The following COL24A1 variants were observed in gnomAD, a reference collection of about 807,000 sequenced individuals.
COL24A1 encodes collagen alpha-1(XXIV) chain.
COL24A1 carries 224 observed loss-of-function variants against 253.9 expected under a neutral mutation model. The ratio of observed to expected loss-of-function variants is 0.88; its 90% CI spans 0.79 to 0.99. The LOEUF is 0.99. Among genes scored for constraint, COL24A1 ranks in the 50% least tolerant of loss-of-function variants. The probability of loss-of-function intolerance (pLI) is 0.00; values close to 1 mark genes in which losing one functional copy is unlikely to be tolerated. For missense variants in COL24A1, 2,131 were observed against 2,068.5 expected (o/e 1.03, Z -0.59); for synonymous variants, 685 against 673.7 (o/e 1.02, Z -0.26).
rs555944946 is a variant in COL24A1, at chr1:85,817,855, T to G, written c.3843+179A>C. On this transcript the variant is annotated intron_variant, in intron 46 of 59. Coordinates refer to ENST00000370571, the MANE Select transcript of COL24A1 (RefSeq NM_152890.7). ...GGGACTTATATTTAAACAGCAAGTT[T>G]GGTTTTGAGTTAATGGTCATATTTT... Among the ~76,000 whole-genome samples the G allele has an allele frequency of 2.6e-5, 4 of 152,302 alleles. No individual in the cohort carries two copies. The South Asian group carries it at 8.3e-4, about 32-fold the overall frequency.
intron 24 of COL24A1, among the ~76,000 whole-genome samples, chr1:85,929,928 A>C (rs1346024172): frequency 1.2e-5 from 1 of 80,836 alleles, no homozygotes; most frequent in Non-Finnish European, 2.4e-5. Flanking sequence ...GGACGCATTC[A>C]AAGCAGTGTG....
intron 57 of COL24A1, among the ~76,000 whole-genome samples, chr1:85,739,340 T>A (rs112385580): frequency 6.6e-6 from 1 of 152,282 alleles, no homozygotes; most frequent in East Asian, 1.9e-4. Context: ...TATATTCTAT[T>A]TGGGTAGGGG....
At chr1:86,034,777 C>T (rs540618365) in intron 12 of COL24A1, among the ~76,000 whole-genome samples, 1 of 152,170 alleles carries the variant, frequency 6.6e-6, no homozygotes, top group South Asian at 2.1e-4. Context: ...TGTAAAATAA[C>T]TCAACGCTCA....
chr1:85,955,656 AG>A (rs767542414), intron 24 of COL24A1, among the ~76,000 whole-genome samples: 26 of 152,344 alleles, frequency 1.7e-4, no homozygotes, highest in Non-Finnish European at 2.6e-4. Context: ...CACACCCTGC[AG>A]GGGGGATAAG....
At chr1:86,114,308 A>C (rs1361945419) in intron 4 of COL24A1, among the ~76,000 whole-genome samples, 1 of 152,222 alleles carries the variant, frequency 6.6e-6, no homozygotes, top group Non-Finnish European at 1.5e-5. Flanking sequence ...AAAAGTAAAA[A>C]AGTAAACTGC....
At chr1:85,744,025 A>AT (rs1194004157) in intron 57 of COL24A1, among the ~76,000 whole-genome samples, 3 of 151,124 alleles carry the variant, frequency 2.0e-5, no homozygotes, top group Admixed American at 1.3e-4. Context: ...CAAATCATAC[A>AT]TTTTTTTTTC....
Position 86,126,232 on chromosome 1 carries a change from A to T in COL24A1, c.122-18T>A, listed in dbSNP as rs1648282839. 5 of 1,551,386 alleles carry T rather than the reference A, an allele frequency of 3.2e-6. No homozygotes were observed. Among genetic ancestry groups the T allele is most frequent in the Non-Finnish European group, 4.3e-6 (5 of 1,158,584 alleles). ...ATCTATGCCTGGAAATTTAAAAAAG[A>T]GAGAGAGAAAGAATCTTAATTTTAT... On this transcript the variant is annotated intron_variant, in intron 2 of 59. Transcript: ENST00000370571.
rs866560101 is a variant in COL24A1 at position 85,987,648 on chromosome 1, G to T, written c.2317C>A (p.Pro773Thr). The T allele has an allele frequency of 6.2e-7, 1 of 1,609,266 alleles. No individual in the cohort carries two copies. Among genetic ancestry groups the T allele is most frequent in the African/African-American group, 1.3e-5 (1 of 74,628 alleles). The change falls in exon 20 of 60, where the codon CCA becomes ACA. Residue 773 changes from proline to threonine, a missense_variant. Transcript: ENST00000370571. ...TGTCCAGGAATCCCAATATCTCCTG[G>T]AAAACCCTAGGGAATATAAAAATGT... ...PSGPPGPEGFPGDIGIPGQNG... is the reference protein window; with the variant it reads ...PSGPPGPEGFTGDIGIPGQNG...
intron 7 of COL24A1, among the ~76,000 whole-genome samples, chr1:86,079,299 A>G (rs1350245785): frequency 6.6e-6 from 1 of 152,196 alleles, no homozygotes; most frequent in Admixed American, 6.5e-5. Flanking sequence ...TACAAAAATC[A>G]ATTCAAAATA....
In COL24A1 at chr1:85,817,730, G is replaced by C. The variant is rs565432128; in HGVS notation, c.3843+304C>G. Reference sequence around the variant, plus strand: ...TCTGGCCTTTGTCACCATTCATTTTGTTACGATTCTAAGTTCTCTGTTTTT... The same window carrying C: ...TCTGGCCTTTGTCACCATTCATTTTCTTACGATTCTAAGTTCTCTGTTTTT... On this transcript the variant is annotated intron_variant, in intron 46 of 59. Transcript: ENST00000370571. Among the ~76,000 whole-genome samples the C allele has an allele frequency of 2.6e-5, 4 of 152,116 alleles. No individual in the cohort carries two copies. The South Asian group carries it at 6.2e-4, about 24-fold the overall frequency.
At chr1:85,795,199 G>A (rs1670680767) in intron 47 of COL24A1, among the ~76,000 whole-genome samples, 1 of 152,166 alleles carries the variant, frequency 6.6e-6, no homozygotes, top group Admixed American at 6.5e-5. Flanking sequence ...AATTGTTTTA[G>A]TGCAAGTCTG....
At chr1:86,087,503 C>T (rs1034535601) in intron 7 of COL24A1, among the ~76,000 whole-genome samples, 2 of 152,160 alleles carry the variant, frequency 1.3e-5, no homozygotes, top group Non-Finnish European at 2.9e-5. Flanking sequence ...CTCTTCTATA[C>T]AAAAACTACT....
At chr1:85,896,725 C>T (rs1008148625) in intron 28 of COL24A1, among the ~76,000 whole-genome samples, 4 of 152,152 alleles carry the variant, frequency 2.6e-5, no homozygotes, top group Non-Finnish European at 4.4e-5. Context: ...GTCTTGATCT[C>T]CTGACCTCGT....
chr1:85,946,659 G>A (rs896109093), intron 24 of COL24A1, among the ~76,000 whole-genome samples: 4 of 152,126 alleles, frequency 2.6e-5, no homozygotes, highest in Non-Finnish European at 5.9e-5. Flanking sequence ...CGGTTAAAAG[G>A]CATTTACCCT....
At chr1:85,920,096 T>C (rs1197721791) in intron 24 of COL24A1, among the ~76,000 whole-genome samples, 3 of 152,166 alleles carry the variant, frequency 2.0e-5, no homozygotes, top group Middle Eastern at 3.2e-3. Flanking sequence ...CTGGAGAGGA[T>C]ATAGAGATGA....
chr1:86,034,262 C>T (rs540906580), intron 12 of COL24A1, among the ~76,000 whole-genome samples: 116 of 152,210 alleles, frequency 7.6e-4, no homozygotes, highest in African/African-American at 2.4e-3. Flanking sequence ...CTTCAGTTAT[C>T]TCTGCTATTC....
intron 57 of COL24A1, among the ~76,000 whole-genome samples, chr1:85,741,691 C>A (rs1422027942): frequency 6.6e-6 from 1 of 152,088 alleles, no homozygotes; most frequent in African/African-American, 2.4e-5. Flanking sequence ...TTTAAAGTCT[C>A]AGCTTGAAAG....
rs183469380 is a variant in COL24A1 at position 85,961,261 on chromosome 1, T to G, written c.2550A>C (p.Lys850Asn). ...AAAATAAGCTTACTGTTTCACCAAT[T>G]TTTCCAATATTTCCTTGATCTCCTA... ...GEVGDQGNIG[K>N]IGETGPVGLP... Residue 850 changes from lysine (K) to asparagine (N), a missense_variant, in exon 24 of 60, where the codon AAA becomes AAC. Transcript: ENST00000370571. The G allele has an allele frequency of 1.1e-4, 181 of 1,604,670 alleles. No homozygotes were observed. In the East Asian group the frequency reaches 4.0e-3, roughly 35 times the overall value.
In COL24A1 at chr1:86,124,963, G is replaced by A. The variant is rs77199233; in HGVS notation, c.1373C>T (p.Thr458Ile). 10 of 1,612,982 alleles carry A rather than the reference G, an allele frequency of 6.2e-6. 1 individual carries two copies. In the East Asian group the frequency reaches 2.0e-4, roughly 32 times the overall value. Residue 458 changes from threonine (T) to isoleucine (I), a missense_variant, in exon 3 of 60, where the codon ACT becomes ATT. Physicochemically the swap from Thr to Ile is moderately conservative, Grantham distance 89. Transcript: ENST00000370571. ...RKEGEFYPDA[T>I]YPIENSYETE... Reference sequence around the variant, plus strand: ...TTCATAGCTATTTTCGATGGGATAAGTAGCATCAGGATAAAATTCACCTTC... The same window carrying A: ...TTCATAGCTATTTTCGATGGGATAAATAGCATCAGGATAAAATTCACCTTC...
Sources: gnomAD v4.1 joint callset for allele counts (sites outside exome capture counted in the v4.1 genomes callset) on GRCh38, gnomAD v4.1.1 for gene constraint, MANE v1.5 for transcripts, NCBI Gene and HGNC (gene_info 2026-07-23, HGNC 2026-07-21) for gene names.